The following PPARGC1B variants were observed in gnomAD, a reference collection of about 807,000 sequenced individuals.
PPARGC1B encodes peroxisome proliferator-activated receptor gamma coactivator 1-beta.
A neutral mutation model predicts 101.6 loss-of-function variants in PPARGC1B; 34 were observed. The observed-to-expected ratio is 0.33, with a 90% CI of 0.25 to 0.45. The LOEUF is 0.45. Ranked by LOEUF, PPARGC1B falls within the 20% of genes least tolerant of loss-of-function variation. PPARGC1B has a pLI of 1.00. For synonymous variants in PPARGC1B, 548 were observed against 539.3 expected (o/e 1.02, Z -0.22); for missense variants, 1,234 against 1,317.6 (o/e 0.94, Z 0.98).
Position 149,760,071 on chromosome 5 carries a change from C to A in PPARGC1B, c.78+29651C>A, listed in dbSNP as rs140572346. On this transcript the variant is annotated intron_variant, in intron 1 of 11. Coordinates refer to ENST00000309241, the MANE Select transcript of PPARGC1B (RefSeq NM_133263.4). Reference sequence around the variant, plus strand: ...TGGCACACACATAATACAGGAGATGCTGCAAGAGCCAAGGATGCCCTAGGG... The same window carrying A: ...TGGCACACACATAATACAGGAGATGATGCAAGAGCCAAGGATGCCCTAGGG... Among the ~76,000 whole-genome samples the A allele has an allele frequency of 3.7e-3, 570 of 152,266 alleles. 3 individuals are homozygous for A. The highest frequency in any genetic ancestry group is 0.013 in the African/African-American group (521 of 41,562).
At chr5:149,814,419 T>G (rs538107783) in intron 1 of PPARGC1B, among the ~76,000 whole-genome samples, 262 of 152,330 alleles carry the variant, frequency 1.7e-3, no homozygotes, top group African/African-American at 5.9e-3. Flanking sequence ...ATCAAATGCT[T>G]GAGCAGGGTG....
chr5:149,786,127 C>G (rs867464460), intron 1 of PPARGC1B, among the ~76,000 whole-genome samples: 1 of 152,020 alleles, frequency 6.6e-6, no homozygotes, highest in African/African-American at 2.4e-5. Flanking sequence ...GAGTCTTGCT[C>G]TGTTGCCCAG....
rs1328632231 is a variant in PPARGC1B, at chr5:149,851,928, T to G, written c.*4370T>G. 6.6e-6 allele frequency: 1 copy of G among 152,258 alleles called. No homozygotes were observed. Among genetic ancestry groups the G allele is most frequent in the Non-Finnish European group, 1.5e-5 (1 of 68,064 alleles). 9.4% of individuals were successfully genotyped at this position (152,258 alleles called of 1,614,324 possible). On this transcript the variant is annotated 3_prime_UTR_variant, in exon 12 of 12. Transcript: ENST00000309241. ...TTGAGAAAACCCCAACACTTCAGCC[T>G]GGGTCCGTGTTTCTACACTGGAAAA...
chr5:149,849,214 A>G lies in PPARGC1B; in HGVS notation c.*1656A>G, dbSNP rs190756047. 1 of 152,170 alleles carries G rather than the reference A, an allele frequency of 6.6e-6. No individual in the cohort carries two copies. Among genetic ancestry groups the G allele is most frequent in the East Asian group, 1.9e-4 (1 of 5,192 alleles). 9.4% of individuals were successfully genotyped at this position (152,170 alleles called of 1,614,324 possible). On this transcript the variant is annotated 3_prime_UTR_variant, in exon 12 of 12. Coordinates refer to ENST00000309241, the MANE Select transcript of PPARGC1B (RefSeq NM_133263.4). ...AGACTGTTGAGAATTGACGTTTTTA[A>G]AGATTATCAAATACCTCAGTAGGTA...
intron 1 of PPARGC1B, among the ~76,000 whole-genome samples, chr5:149,799,693 G>GTTGTTTTT (rs752427488): frequency 5.1e-4 from 39 of 76,466 alleles, no homozygotes; most frequent in African/African-American, 1.9e-3. Context: ...GCTTGTTGTT[G>GTTGTTTTT]TTTTTTTTTT....
At chr5:149,793,050 G>A (rs1258768768) in intron 1 of PPARGC1B, among the ~76,000 whole-genome samples, 1 of 151,996 alleles carries the variant, frequency 6.6e-6, no homozygotes, top group Non-Finnish European at 1.5e-5. Context: ...TCCAGGCGGA[G>A]GAGAGGTGGG....
At chr5:149,743,978 C>T (rs1001759181) in intron 1 of PPARGC1B, among the ~76,000 whole-genome samples, 4 of 152,134 alleles carry the variant, frequency 2.6e-5, no homozygotes, top group African/African-American at 4.8e-5. Context: ...CACATCTTCC[C>T]GGGGGATTGA....
intron 1 of PPARGC1B, among the ~76,000 whole-genome samples, chr5:149,788,336 A>C (rs983663290): frequency 5.9e-5 from 9 of 152,334 alleles, no homozygotes; most frequent in East Asian, 1.9e-4. Flanking sequence ...TGCTCATCAT[A>C]ACTGGCCATC....
At chr5:149,789,837 T>G (rs997416213) in intron 1 of PPARGC1B, among the ~76,000 whole-genome samples, 2 of 152,222 alleles carry the variant, frequency 1.3e-5, no homozygotes, top group African/African-American at 2.4e-5. Context: ...AGGAACTGCC[T>G]TATTAACCCA....
At chr5:149,811,166 T>A in intron 1 of PPARGC1B, among the ~76,000 whole-genome samples, 1 of 152,364 alleles carries the variant, frequency 6.6e-6, no homozygotes, top group South Asian at 2.1e-4. Flanking sequence ...GGTGCCAGCA[T>A]TGAAACCGCA....
At chr5:149,740,149 A>T (rs1185651231) in intron 1 of PPARGC1B, 1 of 152,184 alleles carries the variant, frequency 6.6e-6, no homozygotes, top group Non-Finnish European at 1.5e-5. Flanking sequence ...CATTTGCCCT[A>T]ATTGTTTGCT....
intron 1 of PPARGC1B, chr5:149,771,871 C>T: frequency 1.7e-6 from 1 of 585,506 alleles, no homozygotes; most frequent in Non-Finnish European, 2.7e-6. Context: ...AATATCCCCA[C>T]CATGGCCAAT....
chr5:149,768,024 T>C (rs1755981496), intron 1 of PPARGC1B, among the ~76,000 whole-genome samples: 1 of 151,656 alleles, frequency 6.6e-6, no homozygotes, highest in African/African-American at 2.4e-5. Context: ...CTGGGGGTGA[T>C]GGGAGATAGT....
chr5:149,764,466 C>T (rs929721977), intron 1 of PPARGC1B, among the ~76,000 whole-genome samples: 4 of 152,168 alleles, frequency 2.6e-5, no homozygotes, highest in African/African-American at 9.7e-5. Context: ...ATAGGGAGGA[C>T]GTGATCTTTG....
intron 1 of PPARGC1B, among the ~76,000 whole-genome samples, chr5:149,779,492 C>T (rs530310164): frequency 2.6e-5 from 4 of 152,164 alleles, no homozygotes; most frequent in Non-Finnish European, 5.9e-5. Context: ...TACTGTATAG[C>T]ACACACTAAG....
chr5:149,799,168 G>T (rs371745761), intron 1 of PPARGC1B, among the ~76,000 whole-genome samples: 6 of 152,194 alleles, frequency 3.9e-5, no homozygotes, highest in Admixed American at 3.9e-4. Context: ...CCCAGAACAA[G>T]AAGTGGTGGC....
chr5:149,783,091 A>AAGAGAGAG (rs56799682), intron 1 of PPARGC1B, among the ~76,000 whole-genome samples: 4,159 of 149,994 alleles, frequency 0.028, 191 homozygotes, highest in African/African-American at 0.091. Context: ...ATGAGAGATA[A>AAGAGAGAG]AGAGAGAGAG....
intron 1 of PPARGC1B, among the ~76,000 whole-genome samples, chr5:149,810,771 G>A (rs939091173): frequency 6.6e-6 from 1 of 152,184 alleles, no homozygotes; most frequent in Non-Finnish European, 1.5e-5. Context: ...GCCCTGGGAG[G>A]AGCTGGCTGT....
chr5:149,836,029 C>G (rs1759057396), intron 7 of PPARGC1B, among the ~76,000 whole-genome samples: 1 of 145,804 alleles, frequency 6.9e-6, no homozygotes, highest in South Asian at 2.2e-4. Flanking sequence ...ACGATCTTGG[C>G]TCACTGCACC....
Sources: allele counts gnomAD v4.1 joint callset (sites outside exome capture counted in the v4.1 genomes callset), GRCh38; gene constraint gnomAD v4.1.1; transcripts MANE v1.5; gene names NCBI Gene and HGNC (gene_info 2026-07-23, HGNC 2026-07-21).